The following SBF1 variants were observed in gnomAD, a reference collection of about 807,000 sequenced individuals.
SBF1 encodes myotubularin-related protein 5.
A neutral mutation model predicts 215.8 loss-of-function variants in SBF1; 65 were observed. The observed-to-expected ratio is 0.30, with a 90% CI of 0.25 to 0.37. SBF1 has a LOEUF of 0.37. SBF1 is among the 10% of genes least tolerant of loss of function. The pLI is 1.00. For missense variants in SBF1, 2,634 were observed against 2,667.8 expected (o/e 0.99, Z 0.28); for synonymous variants, 1,410 against 1,122.8 (o/e 1.26, Z -5.11).
rs2067242128 is a variant in SBF1, at chr22:50,456,265, C to T, written c.4217G>A (p.Ser1406Asn). 1.9e-6 allele frequency: 3 copies of T among 1,612,588 alleles called. No homozygotes were observed. The highest frequency in any genetic ancestry group is 1.7e-5 in the Admixed American group (1 of 59,992). Reference protein sequence around the residue: ...CVPGCPAAEPSPASFLRSLED... With the variant: ...CVPGCPAAEPNPASFLRSLED... ...CAGTGAGCGCAGGAAGGAGGCTGGG[C>T]TGGGCTCAGCAGCGGGGCAGCCTGG... Residue 1406 changes from serine to asparagine, a missense_variant, in exon 31 of 41, where the codon AGC becomes AAC. By Grantham distance (46) the Ser-to-Asn change is conservative (BLOSUM62 1). Coordinates refer to ENST00000380817, the MANE Select transcript of SBF1 (RefSeq NM_002972.4).
intron 29 of SBF1, 94 bp from the exon 30 acceptor site, chr22:50,456,767 TCCCAG>T: frequency 8.6e-7 from 1 of 1,160,954 alleles, no homozygotes; most frequent in East Asian, 2.7e-5. Flanking sequence ...GGGGCTGAGC[TCCCAG>T]GGCAGGGGTG....
rs142820111 is a variant in SBF1 at position 50,464,047 on chromosome 22, G to C, written c.1749+282C>G. On this transcript the variant is annotated intron_variant, in intron 15 of 40. Coordinates refer to ENST00000380817, the MANE Select transcript of SBF1 (RefSeq NM_002972.4). ...CGTGTATGGGCCTACCCAATTTAAG[G>C]GGAAGGACACAGACGAAACATAATA... Among the ~76,000 whole-genome samples, 451 of 152,318 alleles carry C rather than the reference G, an allele frequency of 3.0e-3. 2 individuals are homozygous for C. Among genetic ancestry groups the C allele is most frequent in the African/African-American group, 0.01 (430 of 41,564 alleles).
chr22:50,463,087 C>T, intron 16 of SBF1, 149 bp from the exon 17 acceptor site: 2 of 1,103,936 alleles, frequency 1.8e-6, no homozygotes, highest in Non-Finnish European at 2.7e-6. Context: ...GGCTCAATAT[C>T]AGGAGACCCC....
intron 36 of SBF1, among the ~76,000 whole-genome samples, chr22:50,449,656 A>ACCCCCC (rs1556417476): frequency 6.7e-5 from 10 of 148,344 alleles, no homozygotes; most frequent in African/African-American, 2.5e-4. Flanking sequence ...ACACACACAC[A>ACCCCCC]CCCCAAAATG....
intron 36 of SBF1, among the ~76,000 whole-genome samples, chr22:50,451,633 G>A (rs892441861): frequency 6.6e-6 from 1 of 152,028 alleles, no homozygotes; most frequent in Non-Finnish European, 1.5e-5. Context: ...GCCCCAAGCA[G>A]GACGAAAGCA....
chr22:50,458,899 G>A (rs1211252216), intron 28 of SBF1, among the ~76,000 whole-genome samples: 2 of 152,240 alleles, frequency 1.3e-5, no homozygotes, highest in African/African-American at 4.8e-5. Context: ...GGAGGGAACA[G>A]GACAGAGGAG....
In SBF1 at chr22:50,455,001, C is replaced by T. The variant is rs747269197; in HGVS notation, c.4681+15G>A. The T allele has an allele frequency of 9.9e-6, 16 of 1,613,922 alleles. No homozygotes were observed. The highest frequency in any genetic ancestry group is 6.7e-5 in the East Asian group (3 of 44,900). ...TCCTGACCCGTGGCTGCCCCAGCCC[C>T]GACTCCCCACATACCCAGCTCAATG... On this transcript the variant is annotated intron_variant, in intron 34 of 40. Transcript: ENST00000380817.
intron 36 of SBF1, among the ~76,000 whole-genome samples, chr22:50,450,062 C>T (rs2066988939): frequency 6.6e-6 from 1 of 152,204 alleles, no homozygotes; most frequent in Non-Finnish European, 1.5e-5. Context: ...CGTCCAGGGG[C>T]GCTAGTGCAG....
chr22:50,470,272 G>A (rs1156600128), intron 1 of SBF1, among the ~76,000 whole-genome samples: 2 of 152,164 alleles, frequency 1.3e-5, no homozygotes, highest in African/African-American at 4.8e-5. Flanking sequence ...TATGAACAGG[G>A]ACAGCAGTCT....
chr22:50,450,382 A>G (rs1433309828), intron 36 of SBF1, among the ~76,000 whole-genome samples: 2 of 152,074 alleles, frequency 1.3e-5, no homozygotes, highest in Admixed American at 1.3e-4. Context: ...TTAGCTGGGC[A>G]TGGTGGCGGG....
At chr22:50,451,112 T>C (rs751533169) in intron 36 of SBF1, among the ~76,000 whole-genome samples, 1 of 143,184 alleles carries the variant, frequency 7.0e-6, no homozygotes, top group Non-Finnish European at 1.5e-5. Flanking sequence ...AGAGGACTGC[T>C]TGAGCCCAGG....
Position 50,456,523 on chromosome 22 carries a change from A to G in SBF1, c.4055T>C (p.Leu1352Pro), listed in dbSNP as rs1450913371. 6.3e-7 allele frequency: 1 copy of G among 1,577,012 alleles called. No homozygotes were observed. The highest frequency in any genetic ancestry group is 1.4e-5 in the African/African-American group (1 of 73,242). The change falls in exon 30 of 41, where the codon CTC becomes CCC. Residue 1352 changes from leucine to proline, a missense_variant. Physicochemically the swap from Leu to Pro is moderately conservative, Grantham distance 98. Transcript: ENST00000380817. The part of the protein sequence containing the change: ...PGFLRPQRAA[L>P]YILGDKAQLK... Reference sequence around the variant, plus strand: ...CTGGGCTTTGTCCCCAAGGATATAGAGGGCTGCTCGCTGCGGACGCAGGAA... The same window carrying G: ...CTGGGCTTTGTCCCCAAGGATATAGGGGGCTGCTCGCTGCGGACGCAGGAA...
chr22:50,461,041 C>G, intron 23 of SBF1, 118 bp downstream of exon 23: 1 of 1,324,862 alleles, frequency 7.5e-7, no homozygotes, highest in Non-Finnish European at 1.0e-6. Flanking sequence ...GACATGCAAG[C>G]GTAACAACAG....
intron 5 of SBF1, 65 bp downstream of exon 5, chr22:50,467,273 T>C (rs1029066304): frequency 5.8e-6 from 8 of 1,384,420 alleles, no homozygotes; most frequent in African/African-American, 1.4e-5. Flanking sequence ...GGGCTCCAAA[T>C]ACCTACCAGG....
At chr22:50,461,374 C>T in intron 22 of SBF1, 88 bp from the exon 23 acceptor site, 1 of 1,523,108 alleles carries the variant, frequency 6.6e-7, no homozygotes, top group Non-Finnish European at 8.8e-7. Flanking sequence ...ATGGGGAATC[C>T]CAAGTGGGTG....
intron 24 of SBF1, 50 bp downstream of exon 24, chr22:50,460,484 C>T (rs747266698): frequency 1.4e-5 from 22 of 1,607,916 alleles, no homozygotes; most frequent in East Asian, 4.5e-5. Flanking sequence ...AGGGTTGGAG[C>T]GGGAACACGG....
At chr22:50,464,074 T>C (rs2067642264) in intron 15 of SBF1, among the ~76,000 whole-genome samples, 1 of 152,206 alleles carries the variant, frequency 6.6e-6, no homozygotes, top group Non-Finnish European at 1.5e-5. Context: ...AACATAATAG[T>C]GAAACCTTCT....
In SBF1 at chr22:50,466,378, G is replaced by A; in HGVS notation, c.760C>T (p.Leu254=). The change falls in exon 7 of 41, where the codon CTG becomes TTG. Residue 254 remains leucine (L), a synonymous_variant. Coordinates refer to ENST00000380817, the MANE Select transcript of SBF1 (RefSeq NM_002972.4). ...TATCTGAGAGGAAACAGCAGTGCCAGGAGGCCCCTACAGGCATCGGCGAGC... is the reference window on the plus strand; with the variant it reads ...TATCTGAGAGGAAACAGCAGTGCCAAGAGGCCCCTACAGGCATCGGCGAGC... ...QRLADACRGL[L]ALLFPLRYSF... 1 of 1,558,480 alleles carries A rather than the reference G, an allele frequency of 6.4e-7. No individual in the cohort carries two copies. The highest frequency in any genetic ancestry group is 8.7e-7 in the Non-Finnish European group (1 of 1,151,436).
At chr22:50,471,885 C>T (rs913628632) in intron 1 of SBF1, among the ~76,000 whole-genome samples, 6 of 152,186 alleles carry the variant, frequency 3.9e-5, no homozygotes, top group Admixed American at 2.6e-4. Flanking sequence ...GGAGGAGAGG[C>T]GAGGCCATAG....
Sources: gnomAD v4.1 joint callset for allele counts (sites outside exome capture counted in the v4.1 genomes callset) on GRCh38, gnomAD v4.1.1 for gene constraint, MANE v1.5 for transcripts, NCBI Gene and HGNC (gene_info 2026-07-23, HGNC 2026-07-21) for gene names.